OTOA: variants seen among roughly 807,000 people sequenced by gnomAD.
OTOA encodes the protein otoancorin, also known as cancer/testis antigen 108.
A neutral mutation model predicts 110.8 loss-of-function variants in OTOA; 70 were observed. The observed-to-expected ratio is 0.63, with a 90% CI of 0.52 to 0.77. OTOA has a LOEUF of 0.77. OTOA is among the 30% of genes least tolerant of loss of function. The probability of loss-of-function intolerance (pLI) is 0.00; values close to 1 mark genes in which losing one functional copy is unlikely to be tolerated. For synonymous variants in OTOA, 373 were observed against 431.5 expected, an observed-to-expected ratio of 0.86 and a Z score of 1.68; for missense variants, 917 against 1,075.8, an observed-to-expected ratio of 0.85 and a Z score of 2.06.
At chr16:21,696,561 C>A (rs565445358) in intron 9 of OTOA, among the ~76,000 whole-genome samples, 1 of 151,886 alleles carries the variant, frequency 6.6e-6, no homozygotes, top group African/African-American at 2.4e-5. Context: ...TTTCATGTTG[C>A]CAGATTATTA....
chr16:21,666,291 T>A (rs1192840094), intron 1 of OTOA, among the ~76,000 whole-genome samples: 1 of 150,816 alleles, frequency 6.6e-6, no homozygotes, highest in African/African-American at 2.5e-5. Context: ...AGTGTCAGTA[T>A]GCCTAGAGTT....
At position 21,757,872 on chromosome 16, in the gene OTOA, C is replaced by T. The variant is rs528859989; in HGVS notation, c.3349+595C>T. On this transcript the variant is annotated intron_variant, in intron 28 of 28. Coordinates refer to ENST00000646100, the MANE Select transcript of OTOA (RefSeq NM_144672.4). The stretch of plus-strand genomic sequence containing the variant: ...ACCTCAGGTCATCTGCCCACCTCAG[C>T]CTCCCAAAGTGTTGGGATTACAGGC... 2.2e-4 allele frequency among the ~76,000 whole-genome samples: 34 copies of T among 152,278 alleles called. No homozygotes were observed. In the East Asian group the frequency reaches 4.6e-3, roughly 21 times the overall value.
chr16:21,716,972 GTC>G lies in OTOA; in HGVS notation c.1560_1561del (p.Phe521Ter). On this transcript the variant is annotated frameshift_variant, in exon 15 of 29. Coordinates refer to ENST00000646100, the MANE Select transcript of OTOA (RefSeq NM_144672.4). LOFTEE classifies it high-confidence loss of function. ...EIQGAFFKEV[S>X]LFDLRRQPGF... ...TACAAGGGGCTTTCTTTAAGGAAGT[GTC>G]TCTCTTTGATTTAAGGAGGCAACCT... The G allele has an allele frequency of 6.2e-7, 1 of 1,614,080 alleles. No individual in the cohort carries two copies. Among genetic ancestry groups the G allele is most frequent in the Non-Finnish European group, 8.5e-7 (1 of 1,180,006 alleles).
chr16:21,736,524 T>G (rs1160916780), intron 22 of OTOA, 134 bp downstream of exon 22: 1 of 1,048,200 alleles, frequency 9.5e-7, no homozygotes, highest in East Asian at 2.5e-5. Context: ...TGACAAAATC[T>G]ATAAGCAAAA....
In OTOA at chr16:21,703,611, T is replaced by C. The variant is rs75783070; in HGVS notation, c.981-1558T>C. On this transcript the variant is annotated intron_variant, in intron 11 of 28. Coordinates refer to ENST00000646100, the MANE Select transcript of OTOA (RefSeq NM_144672.4). ...GTGGTTATTAACGTTCAGCCCTCAC[T>C]TCCCCTGAGTCTTCTTTACTCGAAG... Among the ~76,000 whole-genome samples the C allele has an allele frequency of 6.3e-3, 962 of 152,292 alleles. 14 individuals are homozygous for C. The highest frequency in any genetic ancestry group is 0.021 in the African/African-American group (888 of 41,570).
At chr16:21,729,486 A>G (rs1899039120) in intron 20 of OTOA, 1 of 152,204 alleles carries the variant, frequency 6.6e-6, no homozygotes, top group South Asian at 2.1e-4. Context: ...TGATGAACCT[A>G]TGTTGACATT....
At chr16:21,718,314 C>T (rs1006476327) in intron 15 of OTOA, among the ~76,000 whole-genome samples, 1 of 152,084 alleles carries the variant, frequency 6.6e-6, no homozygotes, top group African/African-American at 2.4e-5. Context: ...ATACTTTTGT[C>T]TCGGCCATTG....
At chr16:21,693,625 A>G (rs1283695351) in intron 9 of OTOA, among the ~76,000 whole-genome samples, 1 of 152,200 alleles carries the variant, frequency 6.6e-6, no homozygotes, top group African/African-American at 2.4e-5. Context: ...TCTGTCACCC[A>G]GGCTGGAGTG....
intron 6 of OTOA, among the ~76,000 whole-genome samples, chr16:21,682,580 C>T (rs911521430): frequency 3.9e-5 from 6 of 152,178 alleles, no homozygotes; most frequent in African/African-American, 7.2e-5. Flanking sequence ...CAATAGGGCT[C>T]GTGCCTGTGG....
chr16:21,719,241 T>A (rs916143271), intron 16 of OTOA, 50 bp downstream of exon 16: 1 of 1,606,998 alleles, frequency 6.2e-7, no homozygotes, highest in African/African-American at 1.3e-5. Context: ...TTCAGAGCCT[T>A]CTGCCAGAGC....
At chr16:21,689,268 A>G (rs899424483) in intron 8 of OTOA, among the ~76,000 whole-genome samples, 4 of 152,198 alleles carry the variant, frequency 2.6e-5, no homozygotes, top group Non-Finnish European at 2.9e-5. Context: ...TTGTAGCCAA[A>G]TGACAGTAAG....
Position 21,693,520 on chromosome 16 carries a change from A to C in OTOA, c.739+1833A>C, listed in dbSNP as rs959309135. 1.4e-4 allele frequency among the ~76,000 whole-genome samples: 22 copies of C among 152,284 alleles called. 1 individual carries two copies. Among genetic ancestry groups the C allele is most frequent in the African/African-American group, 4.6e-4 (19 of 41,558 alleles). On this transcript the variant is annotated intron_variant, in intron 9 of 28. Transcript: ENST00000646100. ...GTTGGTGGAGACAATTTTTTTAAAC[A>C]TGTAAGTAAATAAAGAGAGAGAGAG...
chr16:21,672,890 G>C (rs1966851227), intron 1 of OTOA, among the ~76,000 whole-genome samples: 1 of 152,146 alleles, frequency 6.6e-6, no homozygotes, highest in African/African-American at 2.4e-5. Context: ...GCCCATGCCT[G>C]TATTCCTAGC....
At position 21,693,253 on chromosome 16, in the gene OTOA, G is replaced by T. The variant is rs1706907174; in HGVS notation, c.739+1566G>T. Among the ~76,000 whole-genome samples, 3 of 152,122 alleles carry T rather than the reference G, an allele frequency of 2.0e-5. No individual in the cohort carries two copies. The South Asian group carries it at 6.2e-4, about 31-fold the overall frequency. ...CATTCCAGCCTGAGTGATGTAGTGA[G>T]ACCTTGTCGCAAAACAAGCAAACAA... On this transcript the variant is annotated intron_variant, in intron 9 of 28. Coordinates refer to ENST00000646100, the MANE Select transcript of OTOA (RefSeq NM_144672.4).
At chr16:21,725,698 G>A (rs1898892561) in intron 18 of OTOA, among the ~76,000 whole-genome samples, 3 of 152,280 alleles carry the variant, frequency 2.0e-5, no homozygotes, top group South Asian at 2.1e-4. Flanking sequence ...GGGGGAAGAC[G>A]TTGTATCTGG....
At position 21,719,367 on chromosome 16, in the gene OTOA, T is replaced by C. The variant is rs112856598; in HGVS notation, c.1689-20T>C. ...CTCCTCACTTCCTTCCTCTCCCGAG[T>C]GCCTTGTTTTGTTTTCTAGTGCTGG... is the stretch of plus-strand genomic sequence containing the variant. On this transcript the variant is annotated intron_variant, in intron 16 of 28. Coordinates refer to ENST00000646100, the MANE Select transcript of OTOA (RefSeq NM_144672.4). The C allele has an allele frequency of 6.2e-7, 1 of 1,610,438 alleles. No individual in the cohort carries two copies.
At chr16:21,667,293 C>T (rs1260344305) in intron 1 of OTOA, among the ~76,000 whole-genome samples, 1 of 152,110 alleles carries the variant, frequency 6.6e-6, no homozygotes, top group Non-Finnish European at 1.5e-5. Flanking sequence ...TGTGGAGGTC[C>T]CCTTGGGGGA....
In OTOA at chr16:21,681,750, G is replaced by T; in HGVS notation, c.192G>T (p.Trp64Cys). ...TCTTCAACTGAAGCTCCCACGTGTG[G>T]ACGGATGACCTGTCCCACAGAGTCC... ...DLIQFQSSHV[W>C]TDDLSHRVLA... Residue 64 changes from tryptophan (W) to cysteine (C), a missense_variant, in exon 6 of 29, where the codon TGG becomes TGT. Physicochemically the swap from Trp to Cys is radical, Grantham distance 215. This residue lies in a region of OTOA where 840 missense variants were observed against 910.2 expected (regional missense o/e 0.92). Coordinates refer to ENST00000646100, the MANE Select transcript of OTOA (RefSeq NM_144672.4). 2 of 1,613,920 alleles carry T rather than the reference G, an allele frequency of 1.2e-6. No individual in the cohort carries two copies. Among genetic ancestry groups the T allele is most frequent in the South Asian group, 1.1e-5 (1 of 91,082 alleles).
At chr16:21,711,776 C>G (rs1040942294) in intron 13 of OTOA, among the ~76,000 whole-genome samples, 1 of 152,076 alleles carries the variant, frequency 6.6e-6, no homozygotes, top group Non-Finnish European at 1.5e-5. Flanking sequence ...TTTTGGTGTC[C>G]TTCTCGTTTA....
Sources: gnomAD v4.1 joint callset for allele counts (sites outside exome capture counted in the v4.1 genomes callset) on GRCh38, gnomAD v4.1.1 for gene constraint, gnomAD v4.1.1 regional missense constraint, MANE v1.5 for transcripts, NCBI Gene and HGNC (gene_info 2026-07-23, HGNC 2026-07-21) for gene names.